CEP70: variants seen among roughly 807,000 people sequenced by gnomAD.
CEP70 encodes centrosomal protein 70, also known as centrosomal protein of 70 kDa.
CEP70 carries 70 observed loss-of-function variants against 90.9 expected under a neutral mutation model. The observed-to-expected ratio is 0.77, with a 90% CI of 0.64 to 0.94. CEP70 has a LOEUF of 0.94. Among genes scored for constraint, CEP70 ranks in the 40% least tolerant of loss-of-function variants. CEP70 has a pLI of 0.00. For synonymous variants in CEP70, 220 were observed against 228.3 expected (o/e 0.96, Z 0.33); for missense variants, 648 against 669.0 (o/e 0.97, Z 0.35).
intron 2 of CEP70, among the ~76,000 whole-genome samples, chr3:138,589,726 A>G (rs1402435711): frequency 6.6e-6 from 1 of 152,160 alleles, no homozygotes. Context: ...TTATAAGAAG[A>G]AGAAAAATTA....
chr3:138,536,767 A>G (rs956801016), intron 7 of CEP70, among the ~76,000 whole-genome samples: 3 of 150,258 alleles, frequency 2.0e-5, no homozygotes, highest in Non-Finnish European at 3.0e-5. Flanking sequence ...ATCAATGATG[A>G]TTTTTTTTTC....
intron 2 of CEP70, among the ~76,000 whole-genome samples, chr3:138,577,518 C>T (rs2041613881): frequency 6.6e-6 from 1 of 151,988 alleles, no homozygotes; most frequent in African/African-American, 2.4e-5. Flanking sequence ...TGTGGTGGCT[C>T]ATGCCTGTAA....
intron 3 of CEP70, 48 bp from the exon 4 acceptor site, chr3:138,571,404 A>G: frequency 8.0e-7 from 1 of 1,244,248 alleles, no homozygotes. Context: ...ATATAAAGTG[A>G]AGAAATTCTC....
At chr3:138,570,220 TA>T in intron 6 of CEP70, 97 bp downstream of exon 6, 1 of 753,284 alleles carries the variant, frequency 1.3e-6, no homozygotes, top group Non-Finnish European at 2.1e-6. Context: ...CCAAAAAAGG[TA>T]AAAACCACTG....
intron 17 of CEP70, chr3:138,497,398 A>G: frequency 8.6e-7 from 1 of 1,169,072 alleles, no homozygotes; most frequent in Non-Finnish European, 1.1e-6. Context: ...CATCACTTTA[A>G]AACTTTAAAA....
At position 138,515,467 on chromosome 3, in the gene CEP70, C is replaced by CAAA. The variant is rs145902706; in HGVS notation, c.945-6926_945-6924dup. On this transcript the variant is annotated intron_variant, in intron 11 of 17. Transcript: ENST00000264982. ...ATCACCAACAAAAGGCATAGAAATG[C>CAAA]AAAAAAAAAAAAAAAAAAAAAGTAT... 0.015 allele frequency among the ~76,000 whole-genome samples: 950 copies of CAAA among 65,328 alleles called. 104 individuals carry two copies. In the East Asian group the frequency reaches 0.35, roughly 24 times the overall value. 42.9% of individuals were successfully genotyped at this position (65,328 alleles called of 152,430 possible). A position where few individuals can be genotyped will look rare whatever the true frequency, so the allele number is the denominator to read the frequency against.
intron 6 of CEP70, among the ~76,000 whole-genome samples, chr3:138,552,171 T>G (rs2039667184): frequency 6.6e-6 from 1 of 152,124 alleles, no homozygotes; most frequent in African/African-American, 2.4e-5. Flanking sequence ...CCCAAATTTA[T>G]GAAACAACTA....
In CEP70 at chr3:138,576,881, A is replaced by G. The variant is rs182548583; in HGVS notation, c.-5-3949T>C. ...TGTAAATAACAAAATGAAGGCAGAA[A>G]TAAAGATGTTCTTTGAAACCAATGA... On this transcript the variant is annotated intron_variant, in intron 2 of 17. Transcript: ENST00000264982. Among the ~76,000 whole-genome samples, 355 of 152,356 alleles carry G rather than the reference A, an allele frequency of 2.3e-3. 4 individuals carry two copies. The highest frequency in any genetic ancestry group is 0.023 in the Admixed American group (352 of 15,298).
At position 138,570,312 on chromosome 3, in the gene CEP70, C is replaced by T. The variant is rs775249028; in HGVS notation, c.465+6G>A. 11 of 1,553,096 alleles carry T rather than the reference C, an allele frequency of 7.1e-6. No homozygotes were observed. The African/African-American group carries it at 1.1e-4, about 16-fold the overall frequency. The stretch of plus-strand genomic sequence containing the variant: ...AACCATCATCTAAGAATTCATAACT[C>T]AGTACCTGTAAAGTTTTCTGCTCCT... On this transcript the variant is annotated splice_donor_region_variant and intron_variant, in intron 6 of 17. Coordinates refer to ENST00000264982, the MANE Select transcript of CEP70 (RefSeq NM_024491.4).
intron 16 of CEP70, among the ~76,000 whole-genome samples, chr3:138,498,407 G>A (rs1204444902): frequency 6.8e-6 from 1 of 147,520 alleles, no homozygotes; most frequent in Admixed American, 6.8e-5. Flanking sequence ...GCGCTGTCTC[G>A]GCTCACTGCA....
intron 6 of CEP70, among the ~76,000 whole-genome samples, chr3:138,556,414 G>C (rs55961519): frequency 0.01 from 1,553 of 150,708 alleles, 27 homozygotes; most frequent in African/African-American, 0.037. Flanking sequence ...TGTAGTCCCA[G>C]CTACTCAGGA....
chr3:138,563,464 A>G (rs2040558531), intron 6 of CEP70, among the ~76,000 whole-genome samples: 1 of 152,222 alleles, frequency 6.6e-6, no homozygotes, highest in Non-Finnish European at 1.5e-5. Flanking sequence ...ACTCCTCAGC[A>G]AATGCAAAAG....
chr3:138,510,097 A>C (rs1040330665), intron 11 of CEP70, among the ~76,000 whole-genome samples: 12 of 152,112 alleles, frequency 7.9e-5, no homozygotes, highest in Admixed American at 1.3e-4. Context: ...GTGAAGAAGG[A>C]ATAAGAAATC....
chr3:138,530,583 C>T (rs777753407), intron 8 of CEP70: 16 of 985,240 alleles, frequency 1.6e-5, no homozygotes, highest in South Asian at 1.4e-4. Context: ...TTTGCCACTG[C>T]GAGAGGCCCA....
rs2042510625 is a variant in CEP70 at position 138,593,769 on chromosome 3, G to C, written c.-109+429C>G. ...AGTCCTCACTCCCCAAACAACCTTCGCGGTTGTTTGACACAAAACTAGCGC... is the reference window on the plus strand; with the variant it reads ...AGTCCTCACTCCCCAAACAACCTTCCCGGTTGTTTGACACAAAACTAGCGC... On this transcript the variant is annotated intron_variant, in intron 1 of 17. Coordinates refer to ENST00000264982, the MANE Select transcript of CEP70 (RefSeq NM_024491.4). 3 of 152,102 alleles carry C rather than the reference G, an allele frequency of 2.0e-5. No homozygotes were observed. In the South Asian group the frequency reaches 6.2e-4, roughly 31 times the overall value. The allele number at this position is 152,102 out of a possible 1,614,324, so 9.4% of individuals were successfully genotyped here.
At chr3:138,508,612 TAAGTC>T in intron 11 of CEP70, 68 bp from the exon 12 acceptor site, 1 of 981,654 alleles carries the variant, frequency 1.0e-6, no homozygotes, top group Admixed American at 1.7e-5. Flanking sequence ...GATGATAAAC[TAAGTC>T]AATGATCCAG....
At chr3:138,548,236 T>A (rs1199457023) in intron 6 of CEP70, among the ~76,000 whole-genome samples, 1 of 152,152 alleles carries the variant, frequency 6.6e-6, no homozygotes, top group Non-Finnish European at 1.5e-5. Flanking sequence ...AATCAATCAA[T>A]GTAATACACC....
intron 6 of CEP70, among the ~76,000 whole-genome samples, chr3:138,563,124 A>C (rs2040527975): frequency 6.6e-6 from 1 of 152,164 alleles, no homozygotes. Flanking sequence ...CATAATGGTA[A>C]AGGGATCAGT....
At chr3:138,579,805 T>C (rs993727362) in intron 2 of CEP70, among the ~76,000 whole-genome samples, 1 of 151,782 alleles carries the variant, frequency 6.6e-6, no homozygotes, top group Non-Finnish European at 1.5e-5. Flanking sequence ...GTGGTGGCTA[T>C]GAGGACAGAC....
Sources: allele counts gnomAD v4.1 joint callset (sites outside exome capture counted in the v4.1 genomes callset), GRCh38; gene constraint gnomAD v4.1.1; transcripts MANE v1.5; gene names NCBI Gene and HGNC (gene_info 2026-07-23, HGNC 2026-07-21).